PCGF6: variants seen among roughly 807,000 people sequenced by gnomAD.
PCGF6 encodes polycomb group RING finger protein 6.
Under a neutral mutation model 45.5 loss-of-function variants are expected in PCGF6, and 24 were observed. The observed-to-expected ratio is 0.53, with a 90% confidence interval of 0.38 to 0.74. The LOEUF is 0.74. Ranked by LOEUF, PCGF6 falls within the 30% of genes least tolerant of loss-of-function variation. PCGF6 has a pLI of 0.00. For missense variants in PCGF6, 356 were observed against 443.2 expected, an observed-to-expected ratio of 0.80 and a Z score of 1.77; for synonymous variants, 152 against 162.1, an observed-to-expected ratio of 0.94 and a Z score of 0.47.
chr10:103,323,264 T>C (rs544806896), intron 8 of PCGF6, among the ~76,000 whole-genome samples: 7 of 152,114 alleles, frequency 4.6e-5, no homozygotes, highest in Non-Finnish European at 1.0e-4. Flanking sequence ...TTACTACCAG[T>C]AAATATCGGT....
chr10:103,348,207 G>A (rs1449103294), intron 3 of PCGF6: 5 of 152,604 alleles, frequency 3.3e-5, no homozygotes, highest in African/African-American at 7.2e-5. Flanking sequence ...AAAATTCTCA[G>A]GAAAAAGGCC....
rs560002759 is a variant in PCGF6, at chr10:103,314,670, C to T, written c.910-398G>A. Among the ~76,000 whole-genome samples, 5 of 152,162 alleles carry T rather than the reference C, an allele frequency of 3.3e-5. No homozygotes were observed. In the South Asian group the frequency reaches 1.0e-3, roughly 32 times the overall value. ...ATATCTGTGATAAAAATCATTAAGG[C>T]CGGGAGCAGTGGCTCACGCCTGTAA... On this transcript the variant is annotated intron_variant, in intron 8 of 9. Transcript: ENST00000369847.
Position 103,351,085 on chromosome 10 carries a change from G to C in PCGF6, c.-19C>G. 1.5e-6 allele frequency: 2 copies of C among 1,353,860 alleles called. No homozygotes were observed. Among genetic ancestry groups the C allele is most frequent in the Non-Finnish European group, 1.9e-6 (2 of 1,052,558 alleles). The allele number at this position is 1,353,860 out of a possible 1,614,324, so 83.9% of individuals were successfully genotyped here. On this transcript the variant is annotated 5_prime_UTR_variant, in exon 1 of 10. Coordinates refer to ENST00000369847, the MANE Select transcript of PCGF6 (RefSeq NM_001011663.2). ...CCTCCATGGTCGGGAGAGACACCAG[G>C]CGAGGCGAGGCGGCGGGAGAGCGCG...
chr10:103,326,521 A>T lies in PCGF6; in HGVS notation c.909+13T>A. ...CACAACTTTACCTATTCTTTTACATATATGTACTGTACCTGACAAGCTGGA... is the reference window on the plus strand; with the variant it reads ...CACAACTTTACCTATTCTTTTACATTTATGTACTGTACCTGACAAGCTGGA... On this transcript the variant is annotated intron_variant, in intron 8 of 9. Coordinates refer to ENST00000369847, the MANE Select transcript of PCGF6 (RefSeq NM_001011663.2). 1 of 1,570,978 alleles carries T rather than the reference A, an allele frequency of 6.4e-7. No homozygotes were observed. Among genetic ancestry groups the T allele is most frequent in the Non-Finnish European group, 8.7e-7 (1 of 1,151,724 alleles).
At chr10:103,308,010 C>T (rs1490502758) in intron 9 of PCGF6, among the ~76,000 whole-genome samples, 1 of 152,016 alleles carries the variant, frequency 6.6e-6, no homozygotes, top group Non-Finnish European at 1.5e-5. Context: ...CTGAGGCGAG[C>T]AGATCACTTG....
chr10:103,316,043 G>GAT (rs1337227737), intron 8 of PCGF6, among the ~76,000 whole-genome samples: 34 of 143,004 alleles, frequency 2.4e-4, no homozygotes, highest in Non-Finnish European at 4.6e-4. Flanking sequence ...GAGAGAGAGA[G>GAT]ATATCTCACT....
At chr10:103,313,498 G>A (rs1208595774) in intron 9 of PCGF6, among the ~76,000 whole-genome samples, 1 of 152,228 alleles carries the variant, frequency 6.6e-6, no homozygotes, top group Admixed American at 6.5e-5. Context: ...CTGGGAGGCA[G>A]AGGCTGCAGT....
At chr10:103,322,996 T>G (rs1005068981) in intron 8 of PCGF6, among the ~76,000 whole-genome samples, 6 of 151,968 alleles carry the variant, frequency 3.9e-5, no homozygotes, top group Non-Finnish European at 8.8e-5. Context: ...AGGGTCCTCC[T>G]GGGTATCACT....
rs1410539393 is a variant in PCGF6 at position 103,303,560 on chromosome 10, C to G, written c.*345G>C. On this transcript the variant is annotated 3_prime_UTR_variant, in exon 10 of 10. Coordinates refer to ENST00000369847, the MANE Select transcript of PCGF6 (RefSeq NM_001011663.2). The stretch of plus-strand genomic sequence containing the variant: ...GATGCCATCCCAGAGAGCAGATATC[C>G]CAACCACCAACTTGAAATGGCTGAA... The G allele has an allele frequency of 2.2e-5, 4 of 184,732 alleles. No homozygotes were observed. The highest frequency in any genetic ancestry group is 4.5e-5 in the Non-Finnish European group (4 of 88,758). The allele number at this position is 184,732 out of a possible 1,614,324, so 11.4% of individuals were successfully genotyped here. A position where few individuals can be genotyped will look rare whatever the true frequency, so the allele number is the denominator to read the frequency against.
At chr10:103,310,454 T>C (rs867879712) in intron 9 of PCGF6, among the ~76,000 whole-genome samples, 1 of 152,118 alleles carries the variant, frequency 6.6e-6, no homozygotes, top group Non-Finnish European at 1.5e-5. Context: ...TTGAAACTCA[T>C]GCATTTCATT....
intron 7 of PCGF6, among the ~76,000 whole-genome samples, chr10:103,330,738 G>A (rs1242344676): frequency 3.3e-5 from 5 of 152,164 alleles, no homozygotes; most frequent in African/African-American, 9.6e-5. Flanking sequence ...GACCAGCCTG[G>A]CTAACACGGT....
At position 103,324,551 on chromosome 10, in the gene PCGF6, G is replaced by A. The variant is rs1465496198; in HGVS notation, c.909+1983C>T. ...AGGCGGGAGGATCACGAGGTCAGGA[G>A]ATGGAGGCCAGCCTGACCAACAACA... On this transcript the variant is annotated intron_variant, in intron 8 of 9. Coordinates refer to ENST00000369847, the MANE Select transcript of PCGF6 (RefSeq NM_001011663.2). Among the ~76,000 whole-genome samples, 4 of 151,586 alleles carry A rather than the reference G, an allele frequency of 2.6e-5. No homozygotes were observed. The South Asian group carries it at 8.3e-4, about 32-fold the overall frequency.
At chr10:103,321,792 T>C (rs1263204918) in intron 8 of PCGF6, among the ~76,000 whole-genome samples, 1 of 152,078 alleles carries the variant, frequency 6.6e-6, no homozygotes, top group Non-Finnish European at 1.5e-5. Flanking sequence ...CCACAAAAAA[T>C]GTGAGGTAAT....
intron 6 of PCGF6, among the ~76,000 whole-genome samples, chr10:103,340,895 G>C (rs2093278185): frequency 6.6e-6 from 1 of 152,122 alleles, no homozygotes; most frequent in African/African-American, 2.4e-5. Flanking sequence ...AAGCCACCAT[G>C]CCTGACCCTC....
chr10:103,312,758 T>TA (rs768793721), intron 9 of PCGF6, among the ~76,000 whole-genome samples: 2 of 152,048 alleles, frequency 1.3e-5, no homozygotes, highest in Non-Finnish European at 2.9e-5. Flanking sequence ...GGTCGGGAGT[T>TA]AGAGACCAGC....
intron 5 of PCGF6, among the ~76,000 whole-genome samples, chr10:103,345,520 T>C (rs957386219): frequency 2.6e-5 from 4 of 152,206 alleles, no homozygotes; most frequent in East Asian, 3.9e-4. Context: ...TTTTTTTTTT[T>C]TCTTAACTAA....
chr10:103,333,697 A>G lies in PCGF6; in HGVS notation c.810+228T>C, dbSNP rs548632913. On this transcript the variant is annotated intron_variant, in intron 7 of 9. Transcript: ENST00000369847. ...ACATTTTTTATCACCAAATTAACAT[A>G]GCATTTGGTTTTAGTTTTAAAAAGT... 3.1e-4 allele frequency among the ~76,000 whole-genome samples: 47 copies of G among 152,322 alleles called. 2 individuals are homozygous for G. The South Asian group carries it at 9.3e-3, about 30-fold the overall frequency.
intron 1 of PCGF6, among the ~76,000 whole-genome samples, chr10:103,349,637 C>T (rs1317841012): frequency 4.0e-5 from 6 of 150,714 alleles, no homozygotes; most frequent in African/African-American, 1.5e-4. Flanking sequence ...CGTGCCACCA[C>T]GCCCCGCTAC....
intron 6 of PCGF6, among the ~76,000 whole-genome samples, chr10:103,340,952 A>C (rs1229808386): frequency 6.6e-6 from 1 of 152,042 alleles, no homozygotes; most frequent in Non-Finnish European, 1.5e-5. Flanking sequence ...AATTCCTTAC[A>C]GGCGCGGTGG....
Sources: allele counts gnomAD v4.1 joint callset (sites outside exome capture counted in the v4.1 genomes callset), GRCh38; gene constraint gnomAD v4.1.1; transcripts MANE v1.5; gene names NCBI Gene and HGNC (gene_info 2026-07-23, HGNC 2026-07-21).